SLC30A8: variants seen among roughly 807,000 people sequenced by gnomAD.
The protein encoded by SLC30A8 is proton-coupled zinc antiporter SLC30A8.
In SLC30A8, 27 loss-of-function variants were observed where a neutral mutation model predicts 36.9. That is an observed-to-expected ratio of 0.73 (90% CI 0.54 to 1.01). The LOEUF (loss-of-function observed/expected upper bound fraction) is 1.01. SLC30A8 is among the 50% of genes least tolerant of loss of function. The pLI, the probability that SLC30A8 is intolerant of heterozygous loss-of-function variation, is 0.00. For synonymous variants in SLC30A8, 164 were observed against 172.4 expected (o/e 0.95, Z 0.38); for missense variants, 439 against 452.0 (o/e 0.97, Z 0.26).
chr8:117,059,557 C>T (rs1475401061), intron 2 of SLC30A8, among the ~76,000 whole-genome samples: 1 of 152,210 alleles, frequency 6.6e-6, no homozygotes, highest in Non-Finnish European at 1.5e-5. Context: ...TCTTGACCTT[C>T]CTACACCCCT....
At chr8:117,125,493 T>C (rs1820866504) in intron 2 of SLC30A8, among the ~76,000 whole-genome samples, 1 of 151,984 alleles carries the variant, frequency 6.6e-6, no homozygotes, top group Non-Finnish European at 1.5e-5. Context: ...GAGATGTGTA[T>C]GGGAAACTTG....
rs556940630 is a variant in SLC30A8 at position 117,172,865 on chromosome 8, A to G, written c.*184A>G. On this transcript the variant is annotated 3_prime_UTR_variant, in exon 8 of 8. Coordinates refer to ENST00000456015, the MANE Select transcript of SLC30A8 (RefSeq NM_173851.3). ...AAGAGGCACTGAGATCCATCAATCA[A>G]TTGGATTATATACTGATCAGTAGCT... 11 of 653,462 alleles carry G rather than the reference A, an allele frequency of 1.7e-5. No individual in the cohort carries two copies. The highest frequency in any genetic ancestry group is 3.6e-5 in the African/African-American group (2 of 55,046). The allele number at this position is 653,462 out of a possible 1,614,324, so 40.5% of individuals were successfully genotyped here.
intron 1 of SLC30A8, among the ~76,000 whole-genome samples, chr8:117,024,755 C>T (rs1270337904): frequency 6.6e-6 from 1 of 152,036 alleles, no homozygotes. Context: ...TATTTATGTT[C>T]TTTTTCTCCC....
At chr8:117,049,687 C>A (rs1487244703) in intron 2 of SLC30A8, among the ~76,000 whole-genome samples, 1 of 152,196 alleles carries the variant, frequency 6.6e-6, no homozygotes, top group Non-Finnish European at 1.5e-5. Flanking sequence ...CAAATAAATC[C>A]TTTGAATCAC....
chr8:117,018,670 C>G (rs1052940305), intron 1 of SLC30A8, among the ~76,000 whole-genome samples: 44 of 123,256 alleles, frequency 3.6e-4, no homozygotes, highest in Non-Finnish European at 4.6e-4. Flanking sequence ...CTAGCCCCCC[C>G]CCCCCTTTTT....
chr8:116,950,424 A>G (rs147158415), upstream of SLC30A8: 9 of 152,312 alleles, frequency 5.9e-5, no homozygotes, highest in African/African-American at 1.9e-4. Context: ...CCCAATGCTC[A>G]CCCTCATTAA....
chr8:117,016,283 C>G (rs949061209), intron 1 of SLC30A8, among the ~76,000 whole-genome samples: 9 of 152,140 alleles, frequency 5.9e-5, no homozygotes, highest in African/African-American at 2.2e-4. Flanking sequence ...AAAATGGACA[C>G]CAATGGATAA....
intron 1 of SLC30A8, among the ~76,000 whole-genome samples, chr8:117,022,195 G>A (rs1208424752): frequency 3.1e-5 from 3 of 95,908 alleles, no homozygotes; most frequent in South Asian, 3.2e-4. Flanking sequence ...GCAAGACTCC[G>A]TCTCAAAAAA....
chr8:116,995,611 A>T lies in SLC30A8; in HGVS notation c.-265-43608A>T, dbSNP rs1488365813. ...AAGACACTATGTGAACAGAGCCCAA[A>T]GGGGAGGCACTGAATGTATTGGGGG... On this transcript the variant is annotated intron_variant, in intron 1 of 10. Transcript: ENST00000427715. 7.2e-5 allele frequency among the ~76,000 whole-genome samples: 11 copies of T among 152,212 alleles called. No homozygotes were observed. The East Asian group carries it at 1.9e-3, about 27-fold the overall frequency.
At chr8:116,972,832 A>G (rs1814837009) in intron 1 of SLC30A8, among the ~76,000 whole-genome samples, 1 of 152,168 alleles carries the variant, frequency 6.6e-6, no homozygotes, top group African/African-American at 2.4e-5. Flanking sequence ...TTTCAAGTCC[A>G]TTTGTTTTCC....
chr8:117,085,786 A>G (rs1328775598), intron 2 of SLC30A8, among the ~76,000 whole-genome samples: 4 of 152,306 alleles, frequency 2.6e-5, no homozygotes, highest in African/African-American at 9.6e-5. Flanking sequence ...AATACAAGCT[A>G]ATAAATGGTA....
At chr8:117,107,700 A>G (rs548982347) in intron 2 of SLC30A8, among the ~76,000 whole-genome samples, 1 of 152,314 alleles carries the variant, frequency 6.6e-6, no homozygotes, top group South Asian at 2.1e-4. Flanking sequence ...CCAAATTTAG[A>G]TTGGATATTT....
At chr8:117,027,407 C>T (rs1816908569) in intron 1 of SLC30A8, among the ~76,000 whole-genome samples, 1 of 152,182 alleles carries the variant, frequency 6.6e-6, no homozygotes, top group African/African-American at 2.4e-5. Flanking sequence ...GTTTTCTTCC[C>T]ATTCTTCAGG....
intron 1 of SLC30A8, among the ~76,000 whole-genome samples, chr8:116,994,751 G>T (rs1815759615): frequency 6.6e-6 from 1 of 152,030 alleles, no homozygotes; most frequent in Non-Finnish European, 1.5e-5. Flanking sequence ...GAATCCTTCT[G>T]TATGTATATT....
intron 7 of SLC30A8, among the ~76,000 whole-genome samples, chr8:117,172,134 C>G (rs1241687496): frequency 2.6e-5 from 4 of 152,112 alleles, no homozygotes; most frequent in Non-Finnish European, 5.9e-5. Flanking sequence ...CTTCCTGGTT[C>G]CTGTCACTAT....
intron 1 of SLC30A8, among the ~76,000 whole-genome samples, chr8:116,971,955 A>G (rs1223510410): frequency 1.3e-5 from 2 of 152,180 alleles, no homozygotes; most frequent in Non-Finnish European, 2.9e-5. Context: ...AGAAATATCT[A>G]TAAACTGAGA....
intron 2 of SLC30A8, among the ~76,000 whole-genome samples, chr8:117,053,452 CAG>C (rs1333511242): frequency 1.3e-5 from 2 of 152,132 alleles, no homozygotes; most frequent in Non-Finnish European, 2.9e-5. Flanking sequence ...AGACGGAAAA[CAG>C]AGGCCGTGTT....
chr8:117,008,388 GA>G (rs1816246426), intron 1 of SLC30A8, among the ~76,000 whole-genome samples: 1 of 152,138 alleles, frequency 6.6e-6, no homozygotes. Flanking sequence ...GAATCCCAAA[GA>G]AAAGCTATTT....
chr8:117,120,498 T>C (rs1820649328), intron 2 of SLC30A8, among the ~76,000 whole-genome samples: 1 of 151,836 alleles, frequency 6.6e-6, no homozygotes, highest in African/African-American at 2.4e-5. Context: ...ACATAAGATC[T>C]GAAACAGAAG....
Sources: allele counts gnomAD v4.1 joint callset (sites outside exome capture counted in the v4.1 genomes callset), GRCh38; gene constraint gnomAD v4.1.1; transcripts MANE v1.5; gene names NCBI Gene and HGNC (gene_info 2026-07-23, HGNC 2026-07-21).